CASP6: variants seen among roughly 807,000 people sequenced by gnomAD.
CASP6 encodes the protein caspase 6.
In CASP6, 20 loss-of-function variants were observed where a neutral mutation model predicts 31.8. The ratio of observed to expected loss-of-function variants is 0.63; its 90% CI spans 0.44 to 0.91. The LOEUF is 0.91. CASP6 is among the 40% of genes least tolerant of loss of function. The pLI, the probability that CASP6 is intolerant of heterozygous loss-of-function variation, is 0.00. For missense variants in CASP6, 328 were observed against 361.1 expected, an observed-to-expected ratio of 0.91 and a Z score of 0.74; for synonymous variants, 130 against 127.8, an observed-to-expected ratio of 1.02 and a Z score of -0.12.
chr4:109,702,202 C>A (rs1376616851), intron 1 of CASP6, among the ~76,000 whole-genome samples: 1 of 152,228 alleles, frequency 6.6e-6, no homozygotes, highest in Non-Finnish European at 1.5e-5. Context: ...ACAAGGCTAC[C>A]TATCTACCTC....
At chr4:109,695,740 CAAAA>C (rs762055298) in intron 4 of CASP6, among the ~76,000 whole-genome samples, 1 of 127,806 alleles carries the variant, frequency 7.8e-6, no homozygotes. Context: ...GACTCCATCT[CAAAA>C]AAAAAAAAAA....
At chr4:109,685,252 A>C (rs568908444), downstream of CASP6, 57 of 1,225,970 alleles carry the variant, frequency 4.6e-5, no homozygotes, top group South Asian at 6.7e-4. Context: ...TTTTTTAAGG[A>C]TTATACTTAC....
upstream of CASP6, among the ~76,000 whole-genome samples, chr4:109,704,937 T>C (rs1481288389): frequency 6.6e-6 from 1 of 152,202 alleles, no homozygotes; most frequent in African/African-American, 2.4e-5. Context: ...ACTCCTGACC[T>C]TGAGCAATCT....
the CASP6 span, among the ~76,000 whole-genome samples, chr4:109,679,787 T>G: frequency 6.6e-6 from 1 of 151,564 alleles, no homozygotes; most frequent in Non-Finnish European, 1.5e-5. Flanking sequence ...GAGGTATAAT[T>G]TTGTTGTTGT....
chr4:109,664,794 C>T, the CASP6 span, among the ~76,000 whole-genome samples: 1 of 152,088 alleles, frequency 6.6e-6, no homozygotes, highest in Non-Finnish European at 1.5e-5. Context: ...AGTTGCCTAG[C>T]AGGACTTTTA....
chr4:109,669,631 A>G, the CASP6 span, among the ~76,000 whole-genome samples: 1 of 148,982 alleles, frequency 6.7e-6, no homozygotes, highest in Non-Finnish European at 1.5e-5. Context: ...TTCTCCTTCT[A>G]GTATTCTCAT....
At chr4:109,703,007 C>T (rs1730471238) in intron 1 of CASP6, among the ~76,000 whole-genome samples, 1 of 152,174 alleles carries the variant, frequency 6.6e-6, no homozygotes, top group Non-Finnish European at 1.5e-5. Context: ...ACGCCAGGCC[C>T]GCGTGGGGAC....
chr4:109,703,599 G>A, upstream of CASP6: 2 of 623,082 alleles, frequency 3.2e-6, no homozygotes, highest in South Asian at 4.5e-5. Context: ...CAGTCGCTCC[G>A]GAGCCCGCGG....
upstream of CASP6, among the ~76,000 whole-genome samples, chr4:109,708,095 C>A (rs1210790171): frequency 6.6e-6 from 1 of 152,082 alleles, no homozygotes; most frequent in East Asian, 1.9e-4. Flanking sequence ...ATAAGGAACT[C>A]ATCTCATACT....
At chr4:109,680,543 A>ATTTTTTTTTTTTTTTTTTTTTTTTTTT in the CASP6 span, among the ~76,000 whole-genome samples, 1 of 151,882 alleles carries the variant, frequency 6.6e-6, no homozygotes, top group African/African-American at 2.4e-5. Context: ...CTGTATGTAT[A>ATTTTTTTTTTTTTTTTTTTTTTTTTTT]TGTTTTATGT....
chr4:109,690,493 G>C (rs1299074167), intron 6 of CASP6, among the ~76,000 whole-genome samples: 1 of 151,306 alleles, frequency 6.6e-6, no homozygotes, highest in Non-Finnish European at 1.5e-5. Context: ...TTGCACTTCA[G>C]CCTCAGTGAC....
the CASP6 span, among the ~76,000 whole-genome samples, chr4:109,666,767 C>G: frequency 6.6e-6 from 1 of 152,096 alleles, no homozygotes; most frequent in Non-Finnish European, 1.5e-5. Context: ...GGAAATTGCC[C>G]TCTGTTCCTG....
chr4:109,692,369 A>G (rs745439211), intron 5 of CASP6: 10 of 152,112 alleles, frequency 6.6e-5, no homozygotes, highest in Non-Finnish European at 1.2e-4. Context: ...CAGTCAGGTG[A>G]TTTTGCCCAC....
downstream of CASP6, chr4:109,685,181 T>C (rs1729809683): frequency 5.7e-6 from 4 of 702,242 alleles, no homozygotes; most frequent in Non-Finnish European, 1.0e-5. Flanking sequence ...CTGAGTCAAG[T>C]ATCTTTCTTG....
At chr4:109,679,558 G>A in the CASP6 span, among the ~76,000 whole-genome samples, 3 of 152,190 alleles carry the variant, frequency 2.0e-5, no homozygotes, top group Non-Finnish European at 4.4e-5. Flanking sequence ...AGGCAGGGAG[G>A]TTGCAGCGAG....
In CASP6 at chr4:109,690,861, GAGTAAC is replaced by G; in HGVS notation, c.626_631del (p.Cys209_Tyr210del). 6.2e-7 allele frequency: 1 copy of G among 1,610,210 alleles called. No homozygotes were observed. Among genetic ancestry groups the G allele is most frequent in the Non-Finnish European group, 8.5e-7 (1 of 1,178,406 alleles). On this transcript the variant is annotated inframe_deletion, in exon 6 of 7. Coordinates refer to ENST00000265164, the MANE Select transcript of CASP6 (RefSeq NM_001226.4). ...TAAACACCACACACCTTCTGCAACAGAGTAACACATGAGGAAGTCAGCTCCAGCAGG... is the reference window on the plus strand; with the variant it reads ...TAAACACCACACACCTTCTGCAACAGACATGAGGAAGTCAGCTCCAGCAGG...
At chr4:109,690,650 AG>A (rs1579105804) in intron 6 of CASP6, among the ~76,000 whole-genome samples, 199 bp downstream of exon 6, 1 of 152,172 alleles carries the variant, frequency 6.6e-6, no homozygotes, top group Non-Finnish European at 1.5e-5. Flanking sequence ...CATAACTCTC[AG>A]GAATTATTTT....
At chr4:109,699,775 G>A (rs966652957) in intron 1 of CASP6, among the ~76,000 whole-genome samples, 1 of 152,172 alleles carries the variant, frequency 6.6e-6, no homozygotes, top group Non-Finnish European at 1.5e-5. Context: ...GCACAGTAAC[G>A]AGGTACTTCC....
intron 6 of CASP6, among the ~76,000 whole-genome samples, chr4:109,689,956 A>T (rs1729984014): frequency 6.6e-6 from 1 of 151,212 alleles, no homozygotes; most frequent in African/African-American, 2.4e-5. Flanking sequence ...AGGCTGAGGC[A>T]GGCAGATCAC....
Sources: allele counts gnomAD v4.1 joint callset (sites outside exome capture counted in the v4.1 genomes callset), GRCh38; gene constraint gnomAD v4.1.1; transcripts MANE v1.5; gene names NCBI Gene and HGNC (gene_info 2026-07-23, HGNC 2026-07-21).